LY96: variants seen among roughly 807,000 people sequenced by gnomAD.
The protein encoded by LY96 is myeloid differentiation protein-2.
LY96 carries 18 observed loss-of-function variants against 18.9 expected under a neutral mutation model. The observed-to-expected ratio is 0.95, with a 90% CI of 0.66 to 1.41. The LOEUF is 1.41. LY96 is among the 40% of genes most tolerant of loss of function. The pLI, the probability that LY96 is intolerant of heterozygous loss-of-function variation, is 0.00. For synonymous variants in LY96, 66 were observed against 62.6 expected (o/e 1.06, Z -0.26); for missense variants, 175 against 182.4 (o/e 0.96, Z 0.23).
At chr8:74,071,317 TG>T in the LY96 span, among the ~76,000 whole-genome samples, 2 of 147,482 alleles carry the variant, frequency 1.4e-5, no homozygotes, top group Non-Finnish European at 1.5e-5. Context: ...AACAGAAAAA[TG>T]TTTTTTTTGT....
intron 1 of LY96, among the ~76,000 whole-genome samples, chr8:73,996,381 C>CTTTCTTTCTTTCTTTCTTTCTT (rs1816140279): frequency 2.4e-5 from 1 of 42,258 alleles, no homozygotes; most frequent in African/African-American, 1.2e-4. Context: ...TCCTTTCTTT[C>CTTTCTTTCTTTCTTTCTTTCTT]TTTCTTTCTT....
Position 74,004,810 on chromosome 8 carries a change from C to T in LY96, c.127C>T (p.Pro43Ser). 1 of 1,573,692 alleles carries T rather than the reference C, an allele frequency of 6.4e-7. No homozygotes were observed. Among genetic ancestry groups the T allele is most frequent in the Non-Finnish European group, 8.7e-7 (1 of 1,146,316 alleles). ...SYTYCDKMQY[P>S]ISINVNPCIE... ...ATTGCTTTTAGATAAAATGCAATAC[C>T]CAATTTCAATTAATGTTAACCCCTG... Residue 43 changes from proline to serine, a missense_variant, in exon 2 of 5, where the codon CCA becomes TCA. Pro to Ser is a moderately conservative substitution (Grantham distance 74). Coordinates refer to ENST00000284818, the MANE Select transcript of LY96 (RefSeq NM_015364.5).
chr8:74,045,765 GC>G, the LY96 span, among the ~76,000 whole-genome samples: 6 of 152,044 alleles, frequency 3.9e-5, no homozygotes, highest in Non-Finnish European at 7.4e-5. Flanking sequence ...AGCGAAGACC[GC>G]CCCCCTACCT....
At chr8:74,081,429 A>T in the LY96 span, among the ~76,000 whole-genome samples, 94 of 143,836 alleles carry the variant, frequency 6.5e-4, no homozygotes, top group African/African-American at 1.8e-3. Flanking sequence ...CTAATTTAAA[A>T]TTTTTTTTTT....
the LY96 span, among the ~76,000 whole-genome samples, chr8:74,052,840 ATGATTGTGG>A: frequency 6.6e-6 from 1 of 151,798 alleles, no homozygotes; most frequent in African/African-American, 2.4e-5. Context: ...AAGGAGGGGT[ATGATTGTGG>A]TGAATAGAAG....
the LY96 span, among the ~76,000 whole-genome samples, chr8:74,058,879 G>A: frequency 6.6e-6 from 1 of 152,096 alleles, no homozygotes; most frequent in African/African-American, 2.4e-5. Context: ...AAGTCCCACA[G>A]TTTGCTGTCT....
chr8:74,086,082 T>C, the LY96 span, among the ~76,000 whole-genome samples: 6,722 of 152,238 alleles, frequency 0.044, 274 homozygotes, highest in African/African-American at 0.11. Context: ...TTCTATCCTC[T>C]GTTTTCTATG....
chr8:74,089,239 C>T, the LY96 span, among the ~76,000 whole-genome samples: 21 of 152,330 alleles, frequency 1.4e-4, no homozygotes, highest in African/African-American at 4.6e-4. Context: ...TGGATTTTTT[C>T]AGTGTGCTAT....
At chr8:74,009,087 T>C (rs1816473571) in intron 2 of LY96, among the ~76,000 whole-genome samples, 1 of 152,128 alleles carries the variant, frequency 6.6e-6, no homozygotes, top group Admixed American at 6.5e-5. Flanking sequence ...AATTGTTTTC[T>C]TTATGAAAAG....
intron 1 of LY96, among the ~76,000 whole-genome samples, chr8:73,993,063 A>G (rs1238679620): frequency 6.7e-6 from 1 of 149,534 alleles, no homozygotes; most frequent in East Asian, 2.0e-4. Flanking sequence ...GGGTTTCATC[A>G]TGTTGACCAG....
the LY96 span, among the ~76,000 whole-genome samples, chr8:74,057,441 T>A: frequency 6.6e-6 from 1 of 152,228 alleles, no homozygotes; most frequent in Non-Finnish European, 1.5e-5. Context: ...TTGTATTGGA[T>A]CATCCTCAGA....
chr8:74,054,772 T>A, the LY96 span, among the ~76,000 whole-genome samples: 6 of 151,152 alleles, frequency 4.0e-5, no homozygotes, highest in Non-Finnish European at 7.4e-5. Flanking sequence ...CAAGTAATCC[T>A]CCTACCTCAG....
At chr8:74,033,508 G>T (rs1010214350), downstream of LY96, among the ~76,000 whole-genome samples, 1 of 152,162 alleles carries the variant, frequency 6.6e-6, no homozygotes, top group Non-Finnish European at 1.5e-5. Context: ...GCTCCCTGAC[G>T]AATGCAAGGA....
At chr8:74,038,201 A>G in the LY96 span, among the ~76,000 whole-genome samples, 1,450 of 152,274 alleles carry the variant, frequency 9.5e-3, 19 homozygotes, top group African/African-American at 0.03. Context: ...AAACAATTGA[A>G]TTATACTCTT....
At chr8:74,076,443 C>A in the LY96 span, among the ~76,000 whole-genome samples, 1 of 151,990 alleles carries the variant, frequency 6.6e-6, no homozygotes, top group South Asian at 2.1e-4. Flanking sequence ...CCTGCCTCAG[C>A]CTCCCTAGTA....
intron 3 of LY96, among the ~76,000 whole-genome samples, chr8:74,014,352 CTG>C (rs1816595118): frequency 6.9e-6 from 1 of 145,578 alleles, no homozygotes; most frequent in Non-Finnish European, 1.5e-5. Context: ...TCTTGGCTAG[CTG>C]TGATCCACCG....
chr8:74,041,652 A>G, the LY96 span, among the ~76,000 whole-genome samples: 1 of 152,160 alleles, frequency 6.6e-6, no homozygotes, highest in Admixed American at 6.5e-5. Flanking sequence ...TGAGATGAGG[A>G]CTGAAATACA....
chr8:74,083,025 TG>T, the LY96 span, among the ~76,000 whole-genome samples: 1 of 152,156 alleles, frequency 6.6e-6, no homozygotes, highest in Non-Finnish European at 1.5e-5. Context: ...TGTCATATTT[TG>T]GGGTAGTGTG....
chr8:74,073,079 A>T, the LY96 span, among the ~76,000 whole-genome samples: 2 of 152,212 alleles, frequency 1.3e-5, no homozygotes, highest in Non-Finnish European at 2.9e-5. Context: ...GACCGAGGGC[A>T]GGTAGGACTC....
Sources: gnomAD v4.1 joint callset for allele counts (sites outside exome capture counted in the v4.1 genomes callset) on GRCh38, gnomAD v4.1.1 for gene constraint, MANE v1.5 for transcripts, NCBI Gene and HGNC (gene_info 2026-07-23, HGNC 2026-07-21) for gene names.